Variants in CDC42BPA observed in about 807,000 individuals in gnomAD.
CDC42BPA encodes the protein serine/threonine-protein kinase MRCK alpha.
A neutral mutation model predicts 223.5 loss-of-function variants in CDC42BPA; 80 were observed. That is an observed-to-expected ratio of 0.36 (90% confidence interval 0.30 to 0.43). CDC42BPA has a LOEUF of 0.43. Among genes scored for constraint, CDC42BPA ranks in the 20% least tolerant of loss-of-function variants. The pLI is 1.00. For missense variants in CDC42BPA, 1,743 were observed against 2,099.9 expected (o/e 0.83, Z 3.32); for synonymous variants, 694 against 718.6 (o/e 0.97, Z 0.55).
chr1:227,198,759 GT>G (rs5781469), intron 4 of CDC42BPA, among the ~76,000 whole-genome samples: 139,305 of 144,348 alleles, frequency 0.97, 67,211 homozygotes, highest in East Asian at 0.99. Flanking sequence ...ATTTAAATGT[GT>G]TTTTTTTTTT....
intron 35 of CDC42BPA, among the ~76,000 whole-genome samples, chr1:227,003,194 C>T (rs1663236665): frequency 1.3e-5 from 2 of 152,178 alleles, no homozygotes; most frequent in African/African-American, 2.4e-5. Flanking sequence ...ATGTAACATT[C>T]GAGAATAGAA....
chr1:227,040,801 A>T (rs1250759331), intron 23 of CDC42BPA, among the ~76,000 whole-genome samples: 1 of 152,204 alleles, frequency 6.6e-6, no homozygotes, highest in East Asian at 1.9e-4. Context: ...TTCCAGAGAC[A>T]GATGGCAGAT....
At chr1:227,222,052 C>CA (rs60588018) in intron 2 of CDC42BPA, among the ~76,000 whole-genome samples, 8,503 of 86,234 alleles carry the variant, frequency 0.099, 528 homozygotes, top group East Asian at 0.13. Flanking sequence ...CTATCTCTAC[C>CA]AAAAAAAAAA....
At chr1:227,134,116 C>T (rs1658006537) in intron 10 of CDC42BPA, among the ~76,000 whole-genome samples, 1 of 152,162 alleles carries the variant, frequency 6.6e-6, no homozygotes, top group Admixed American at 6.5e-5. Flanking sequence ...TTCATTCCAA[C>T]CAGAAATGCC....
chr1:227,132,972 C>G (rs1445693843), intron 10 of CDC42BPA, among the ~76,000 whole-genome samples: 2 of 150,990 alleles, frequency 1.3e-5, no homozygotes, highest in South Asian at 4.2e-4. Flanking sequence ...CCCCGCCGTC[C>G]GGCAGCCACC....
chr1:227,216,977 A>G (rs1406341268), intron 2 of CDC42BPA, among the ~76,000 whole-genome samples: 1 of 152,216 alleles, frequency 6.6e-6, no homozygotes, highest in Non-Finnish European at 1.5e-5. Flanking sequence ...AACACAATGT[A>G]TTATCATTTG....
intron 5 of CDC42BPA, among the ~76,000 whole-genome samples, chr1:227,190,669 T>C (rs1033819659): frequency 2.0e-5 from 3 of 152,254 alleles, no homozygotes; most frequent in Admixed American, 6.5e-5. Context: ...TATACCCACT[T>C]ACTTACAATT....
intron 1 of CDC42BPA, among the ~76,000 whole-genome samples, chr1:227,268,355 T>C (rs1685356192): frequency 2.6e-5 from 4 of 152,140 alleles, no homozygotes; most frequent in Admixed American, 2.6e-4. Context: ...TTGCCAATTC[T>C]GTTTTAGTCG....
chr1:227,189,851 G>T (rs7527825), intron 5 of CDC42BPA, among the ~76,000 whole-genome samples: 8 of 152,056 alleles, frequency 5.3e-5, no homozygotes, highest in Non-Finnish European at 1.2e-4. Flanking sequence ...CTAGTCCCTT[G>T]TTGTATTCTC....
At chr1:227,071,714 A>C (rs1255855855) in intron 20 of CDC42BPA, among the ~76,000 whole-genome samples, 1,776 of 84,376 alleles carry the variant, frequency 0.021, 3 homozygotes, top group African/African-American at 0.025. Context: ...AGTGAATCCC[A>C]CCCCCCCCCC....
intron 21 of CDC42BPA, among the ~76,000 whole-genome samples, chr1:227,066,590 A>C (rs534084658): frequency 6.2e-4 from 95 of 152,300 alleles, no homozygotes; most frequent in African/African-American, 2.2e-3. Context: ...AAGGGAGATC[A>C]TAGGTACAAA....
intron 5 of CDC42BPA, among the ~76,000 whole-genome samples, chr1:227,172,642 C>T (rs1375812207): frequency 6.6e-6 from 1 of 151,834 alleles, no homozygotes; most frequent in Non-Finnish European, 1.5e-5. Flanking sequence ...GGAAGAAGTC[C>T]TACCATGAGT....
At chr1:227,235,100 T>TC (rs1344329104) in intron 2 of CDC42BPA, 3 of 152,220 alleles carry the variant, frequency 2.0e-5, no homozygotes, top group Non-Finnish European at 4.4e-5. Flanking sequence ...TGGAGCCTTC[T>TC]CTGTGTATGC....
chr1:227,061,070 A>G (rs1675830981), intron 21 of CDC42BPA, among the ~76,000 whole-genome samples: 1 of 152,122 alleles, frequency 6.6e-6, no homozygotes, highest in African/African-American at 2.4e-5. Flanking sequence ...TAACTTGAAC[A>G]CTGTGTCCTG....
rs1284613480 is a variant in CDC42BPA, at chr1:226,993,495, G to A, written c.*773C>T. On this transcript the variant is annotated 3_prime_UTR_variant, in exon 37 of 37. Coordinates refer to ENST00000366766, the MANE Select transcript of CDC42BPA (RefSeq NM_001394014.1). ...GCAAGTGTTTTCTACAGCTCCCCAG[G>A]TGACTAGAGCCTATGACCAGTTTGA... 6.6e-6 allele frequency: 1 copy of A among 152,506 alleles called. No homozygotes were observed. The highest frequency in any genetic ancestry group is 2.1e-4 in the South Asian group (1 of 4,822). The allele number at this position is 152,506 out of a possible 1,614,324, so 9.4% of individuals were successfully genotyped here. A position where few individuals can be genotyped will look rare whatever the true frequency, so the allele number is the denominator to read the frequency against.
intron 5 of CDC42BPA, among the ~76,000 whole-genome samples, chr1:227,161,966 A>G (rs1398858): frequency 0.9 from 137,300 of 152,202 alleles, 62,373 homozygotes; most frequent in Middle Eastern, 0.96. Context: ...TCTGCTGTAG[A>G]GGAAACATCA....
intron 2 of CDC42BPA, among the ~76,000 whole-genome samples, chr1:227,217,843 C>T (rs1259872790): frequency 6.6e-6 from 1 of 152,156 alleles, no homozygotes; most frequent in African/African-American, 2.4e-5. Context: ...CTCTCTCACT[C>T]CTTCAATGAA....
intron 10 of CDC42BPA, among the ~76,000 whole-genome samples, chr1:227,138,675 ACT>A (rs562867781): frequency 4.8e-4 from 73 of 152,238 alleles, no homozygotes; most frequent in Middle Eastern, 3.4e-3. Flanking sequence ...TGAAGAGCTG[ACT>A]TGAGGTGAGT....
chr1:227,162,917 T>A (rs956597938), intron 5 of CDC42BPA, among the ~76,000 whole-genome samples: 1 of 151,912 alleles, frequency 6.6e-6, no homozygotes, highest in Non-Finnish European at 1.5e-5. Flanking sequence ...TGTATATGTG[T>A]GTGTTTCCAA....
Sources: gnomAD v4.1 joint callset for allele counts (sites outside exome capture counted in the v4.1 genomes callset) on GRCh38, gnomAD v4.1.1 for gene constraint, MANE v1.5 for transcripts, NCBI Gene and HGNC (gene_info 2026-07-23, HGNC 2026-07-21) for gene names.